KLHL29: variants seen among roughly 807,000 people sequenced by gnomAD.
The protein encoded by KLHL29 is kelch like family member 29.
In KLHL29, 21 loss-of-function variants were observed where a neutral mutation model predicts 80.4. The observed-to-expected ratio is 0.26, with a 90% CI of 0.19 to 0.38. The LOEUF (loss-of-function observed/expected upper bound fraction) is 0.38, where lower values mean the gene tolerates loss of function less well. KLHL29 is among the 10% of genes least tolerant of loss of function. KLHL29 has a pLI of 1.00. For synonymous variants in KLHL29, 511 were observed against 526.8 expected, an observed-to-expected ratio of 0.97 and a Z score of 0.41; for missense variants, 867 against 1,223.9, an observed-to-expected ratio of 0.71 and a Z score of 4.35.
chr2:23,546,342 G>A (rs1018484893), intron 2 of KLHL29, among the ~76,000 whole-genome samples: 4 of 152,214 alleles, frequency 2.6e-5, no homozygotes, highest in Non-Finnish European at 4.4e-5. Flanking sequence ...AAAGATTGGG[G>A]CCAAGGGATG....
At chr2:23,434,237 T>A (rs976760213) in intron 1 of KLHL29, among the ~76,000 whole-genome samples, 1 of 142,748 alleles carries the variant, frequency 7.0e-6, no homozygotes, top group Non-Finnish European at 1.5e-5. Context: ...AGGAGAATGG[T>A]GTGAACCCGG....
At chr2:23,577,735 C>T (rs1405271638) in intron 3 of KLHL29, among the ~76,000 whole-genome samples, 2 of 148,962 alleles carry the variant, frequency 1.3e-5, no homozygotes, top group East Asian at 2.0e-4. Context: ...GTGACTAGAG[C>T]GAAACTTCAT....
intron 2 of KLHL29, among the ~76,000 whole-genome samples, chr2:23,508,128 A>G (rs917073472): frequency 6.6e-6 from 1 of 152,224 alleles, no homozygotes; most frequent in Non-Finnish European, 1.5e-5. Flanking sequence ...GGAAGTGGCC[A>G]GTGGCAGGCA....
At chr2:23,556,789 C>A (rs1469290557) in intron 2 of KLHL29, among the ~76,000 whole-genome samples, 2 of 152,230 alleles carry the variant, frequency 1.3e-5, no homozygotes, top group African/African-American at 4.8e-5. Context: ...AGGCCTTTCA[C>A]ATTTCACCCA....
At chr2:23,627,604 G>A (rs779026750) in intron 3 of KLHL29, among the ~76,000 whole-genome samples, 8 of 152,182 alleles carry the variant, frequency 5.3e-5, no homozygotes, top group South Asian at 2.1e-4. Context: ...CTGAGGAGCC[G>A]CCTCCGAGGC....
chr2:23,671,212 T>C (rs1257324719), intron 5 of KLHL29, among the ~76,000 whole-genome samples: 2 of 152,000 alleles, frequency 1.3e-5, no homozygotes, highest in East Asian at 3.9e-4. Flanking sequence ...TTTATTTATT[T>C]GCTGGAACTG....
chr2:23,548,707 G>A lies in KLHL29; in HGVS notation c.-45-13445G>A, dbSNP rs139978516. 6.0e-3 allele frequency among the ~76,000 whole-genome samples: 912 copies of A among 152,378 alleles called. 25 individuals carry two copies. The highest frequency in any genetic ancestry group is 0.039 in the Admixed American group (604 of 15,302). On this transcript the variant is annotated intron_variant, in intron 2 of 13. Transcript: ENST00000486442. ...GTGGCAAGCAGTGAGTGCGTGGCAT[G>A]AGTGAAAAGCGTACCTCGCCGAAGC...
chr2:23,413,314 C>A (rs1214642415), intron 1 of KLHL29, among the ~76,000 whole-genome samples: 1 of 67,864 alleles, frequency 1.5e-5, no homozygotes, highest in Non-Finnish European at 3.9e-5. Flanking sequence ...AACCATGGGG[C>A]CAGCCATTTC....
chr2:23,617,634 A>C (rs545252526), intron 3 of KLHL29: 2 of 152,270 alleles, frequency 1.3e-5, no homozygotes, highest in South Asian at 4.1e-4. Flanking sequence ...GGGAGTGTGG[A>C]GGGTGGGTGG....
rs1413769737 is a variant in KLHL29 at position 23,562,913 on chromosome 2, C to T, written c.285+432C>T. On this transcript the variant is annotated intron_variant, in intron 3 of 13. Coordinates refer to ENST00000486442, the MANE Select transcript of KLHL29 (RefSeq NM_052920.2). The surrounding 1 kb of genome is among the most constrained non-coding windows in gnomAD (Gnocchi z 4.5). ...AGTCATAAAGGGTGATAAACCCACA[C>T]TTTATTAACCACTGGGCCTCGTGTT... Among the ~76,000 whole-genome samples, 1 of 152,184 alleles carries T rather than the reference C, an allele frequency of 6.6e-6. No homozygotes were observed. Among genetic ancestry groups the T allele is most frequent in the Non-Finnish European group, 1.5e-5 (1 of 68,034 alleles).
chr2:23,693,598 G>C, intron 8 of KLHL29, 70 bp downstream of exon 8: 1 of 1,462,656 alleles, frequency 6.8e-7, no homozygotes, highest in Non-Finnish European at 9.3e-7. Flanking sequence ...GGGGTCTGCA[G>C]CAAGGAGGAA....
chr2:23,562,825 ATGCAAGCATCCC>A lies in KLHL29; in HGVS notation c.285+347_285+358del, dbSNP rs1316146461. Among the ~76,000 whole-genome samples the A allele has an allele frequency of 1.3e-5, 2 of 152,194 alleles. No individual in the cohort carries two copies. The highest frequency in any genetic ancestry group is 4.8e-5 in the African/African-American group (2 of 41,452). ...GTTCCTAAATAGATAAATTGAGACC[ATGCAAGCATCCC>A]TGGGGGTGCCAGTAACTTGGGTGTG... is the stretch of plus-strand genomic sequence containing the variant. On this transcript the variant is annotated intron_variant, in intron 3 of 13. Transcript: ENST00000486442. This position sits in a 1 kb window ranked among gnomAD's most constrained non-coding sequence, Gnocchi z 4.5.
At chr2:23,579,640 G>A (rs754334013) in intron 3 of KLHL29, among the ~76,000 whole-genome samples, 3 of 152,124 alleles carry the variant, frequency 2.0e-5, no homozygotes, top group Non-Finnish European at 4.4e-5. Context: ...CACTTGAGGG[G>A]ACAGAAATTG....
intron 1 of KLHL29, among the ~76,000 whole-genome samples, chr2:23,445,000 A>G (rs1368112812): frequency 3.9e-5 from 6 of 152,188 alleles, no homozygotes; most frequent in Non-Finnish European, 8.8e-5. Context: ...GTTGTTGGAA[A>G]CTGTGACTTT....
At chr2:23,595,066 C>T (rs192110885) in intron 3 of KLHL29, among the ~76,000 whole-genome samples, 7 of 152,248 alleles carry the variant, frequency 4.6e-5, no homozygotes, top group East Asian at 1.9e-4. Context: ...ACAACAGAGA[C>T]GGAGTGTTTG....
At chr2:23,704,331 C>T (rs1280217274) in intron 13 of KLHL29, among the ~76,000 whole-genome samples, 1 of 152,222 alleles carries the variant, frequency 6.6e-6, no homozygotes. Flanking sequence ...CAAAAGCACA[C>T]ACAAACCCAC....
At chr2:23,640,855 C>T (rs1669749644) in intron 4 of KLHL29, among the ~76,000 whole-genome samples, 1 of 152,172 alleles carries the variant, frequency 6.6e-6, no homozygotes, top group South Asian at 2.1e-4. Flanking sequence ...CCGAGCCTTG[C>T]TCCTCACCAC....
chr2:23,699,413 T>C (rs1049438746), intron 11 of KLHL29, among the ~76,000 whole-genome samples: 8 of 152,096 alleles, frequency 5.3e-5, no homozygotes, highest in African/African-American at 1.9e-4. Flanking sequence ...AGGGCCTAAG[T>C]ATGGAGGCAA....
At chr2:23,533,142 G>A (rs1666552496) in intron 2 of KLHL29, among the ~76,000 whole-genome samples, 1 of 152,132 alleles carries the variant, frequency 6.6e-6, no homozygotes, top group East Asian at 1.9e-4. Context: ...GATATTGGGG[G>A]AGGAAAAGGT....
Sources: allele counts gnomAD v4.1 joint callset (sites outside exome capture counted in the v4.1 genomes callset), GRCh38; gene constraint gnomAD v4.1.1; non-coding constraint Gnocchi (gnomAD v3.1); transcripts MANE v1.5; gene names NCBI Gene and HGNC (gene_info 2026-07-23, HGNC 2026-07-21).